The following MPPED2 variants were observed in gnomAD, a reference collection of about 807,000 sequenced individuals.
MPPED2 encodes the protein metallophosphoesterase domain containing 2.
A neutral mutation model predicts 33.0 loss-of-function variants in MPPED2; 5 were observed. The ratio of observed to expected loss-of-function variants is 0.15; its 90% CI spans 0.08 to 0.32. The LOEUF is 0.32. MPPED2 is among the 10% of genes least tolerant of loss of function. The pLI is 1.00. For synonymous variants in MPPED2, 136 were observed against 141.9 expected (o/e 0.96, Z 0.29); for missense variants, 275 against 372.1 (o/e 0.74, Z 2.15).
exon 7 of MPPED2, chr11:30,387,985 C>T (rs970314634): frequency 1.3e-5 from 2 of 152,076 alleles, no homozygotes; most frequent in Non-Finnish European, 2.9e-5. Context: ...TGGAAGCCGC[C>T]CGTAATTTAA....
chr11:30,513,127 T>A (rs1953323574), intron 3 of MPPED2, among the ~76,000 whole-genome samples: 1 of 152,128 alleles, frequency 6.6e-6, no homozygotes, highest in South Asian at 2.1e-4. Flanking sequence ...TTTCTTTGCA[T>A]CTCTAATGAG....
chr11:30,522,319 T>C (rs1953915545), intron 3 of MPPED2, among the ~76,000 whole-genome samples: 1 of 151,926 alleles, frequency 6.6e-6, no homozygotes, highest in African/African-American at 2.4e-5. Flanking sequence ...TTAGGAAAGA[T>C]ACATTGAAAT....
chr11:30,461,849 A>G (rs1404813079), intron 4 of MPPED2, among the ~76,000 whole-genome samples: 4 of 152,192 alleles, frequency 2.6e-5, no homozygotes, highest in African/African-American at 9.7e-5. Flanking sequence ...TTCTGAAGGG[A>G]AGCAACATCT....
intron 1 of MPPED2, among the ~76,000 whole-genome samples, chr11:30,585,743 G>A (rs945199350): frequency 6.6e-6 from 1 of 152,120 alleles, no homozygotes; most frequent in African/African-American, 2.4e-5. Context: ...GCGCAGGATG[G>A]GGAGTCGGAG....
chr11:30,573,371 C>T (rs1444332861), intron 2 of MPPED2, among the ~76,000 whole-genome samples: 1 of 152,138 alleles, frequency 6.6e-6, no homozygotes, highest in Admixed American at 6.5e-5. Flanking sequence ...GACTCTATCA[C>T]TGGTTTGCTT....
upstream of MPPED2, chr11:30,586,706 G>A (rs946863974): frequency 6.6e-6 from 1 of 152,222 alleles, no homozygotes; most frequent in African/African-American, 2.4e-5. The surrounding 1 kb of genome is among the most constrained non-coding windows in gnomAD (Gnocchi z 4.8). Context: ...GTGTTCTTCT[G>A]CAAAGAGAAC....
chr11:30,548,116 T>G (rs1481614226), intron 2 of MPPED2, among the ~76,000 whole-genome samples: 2 of 152,348 alleles, frequency 1.3e-5, no homozygotes, highest in African/African-American at 4.8e-5. Context: ...TGGACAAGTT[T>G]ACTAAACCTC....
chr11:30,446,233 A>G (rs1262720698), intron 4 of MPPED2, among the ~76,000 whole-genome samples: 1 of 152,120 alleles, frequency 6.6e-6, no homozygotes, highest in African/African-American at 2.4e-5. Flanking sequence ...CCCCTCTCCT[A>G]CTCTCTTTCT....
intron 3 of MPPED2, among the ~76,000 whole-genome samples, chr11:30,512,119 T>C (rs1433091252): frequency 2.0e-5 from 3 of 151,362 alleles, no homozygotes; most frequent in Non-Finnish European, 4.4e-5. Flanking sequence ...AAATAGGCAG[T>C]AGTAACGGTG....
chr11:30,537,575 T>C (rs933794027), intron 2 of MPPED2, among the ~76,000 whole-genome samples: 6 of 152,180 alleles, frequency 3.9e-5, no homozygotes, highest in African/African-American at 1.4e-4. Context: ...GTGTGCAACC[T>C]GGATAGTCCC....
chr11:30,405,659 A>C (rs1027797669), downstream of MPPED2, among the ~76,000 whole-genome samples: 4 of 152,198 alleles, frequency 2.6e-5, no homozygotes, highest in Non-Finnish European at 5.9e-5. Flanking sequence ...CATTTTCTGT[A>C]TGGTTTCTTA....
At chr11:30,502,623 G>A (rs79433651) in intron 3 of MPPED2, among the ~76,000 whole-genome samples, 71 of 152,276 alleles carry the variant, frequency 4.7e-4, no homozygotes, top group Middle Eastern at 3.4e-3. Context: ...CTACAATTAT[G>A]AGGATGAGAT....
intron 4 of MPPED2, among the ~76,000 whole-genome samples, chr11:30,418,643 T>C (rs985113970): frequency 1.3e-5 from 2 of 152,194 alleles, no homozygotes; most frequent in African/African-American, 4.8e-5. Flanking sequence ...GACAAGTCGG[T>C]CAATTTTCTG....
chr11:30,480,930 A>T (rs1162946328), intron 4 of MPPED2, among the ~76,000 whole-genome samples: 2 of 152,116 alleles, frequency 1.3e-5, no homozygotes, highest in Admixed American at 6.6e-5. Flanking sequence ...TTGTCCCTTG[A>T]TAATGAAGAT....
chr11:30,479,689 C>T (rs536276797), intron 4 of MPPED2, among the ~76,000 whole-genome samples: 1 of 151,988 alleles, frequency 6.6e-6, no homozygotes, highest in Non-Finnish European at 1.5e-5. Context: ...AATCTGATAT[C>T]ACTAATAATA....
At chr11:30,571,469 C>T (rs939697434) in intron 2 of MPPED2, among the ~76,000 whole-genome samples, 1 of 151,880 alleles carries the variant, frequency 6.6e-6, no homozygotes, top group African/African-American at 2.4e-5. Context: ...TCTAAGTGTA[C>T]CTTTTACATT....
chr11:30,410,075 G>A, downstream of MPPED2: 1 of 979,348 alleles, frequency 1.0e-6, no homozygotes, highest in African/African-American at 1.8e-5. Flanking sequence ...TGTGAATGGT[G>A]GGTAATAAAA....
intron 4 of MPPED2, among the ~76,000 whole-genome samples, chr11:30,426,689 C>A (rs1019564712): frequency 6.6e-6 from 1 of 152,244 alleles, no homozygotes; most frequent in Non-Finnish European, 1.5e-5. Flanking sequence ...TAGCAGTGCC[C>A]TGGACAGAAG....
chr11:30,558,717 C>T (rs944086355), intron 2 of MPPED2, among the ~76,000 whole-genome samples: 10 of 151,952 alleles, frequency 6.6e-5, no homozygotes. Context: ...CCACCTTGCC[C>T]AGCCCTTCCT....
Sources: allele counts gnomAD v4.1 joint callset (sites outside exome capture counted in the v4.1 genomes callset), GRCh38; gene constraint gnomAD v4.1.1; non-coding constraint Gnocchi (gnomAD v3.1); transcripts MANE v1.5; gene names NCBI Gene and HGNC (gene_info 2026-07-23, HGNC 2026-07-21).